The following XPR1 variants were observed in gnomAD, a reference collection of about 807,000 sequenced individuals.
The protein encoded by XPR1 is solute carrier family 53 member 1.
A neutral mutation model predicts 87.5 loss-of-function variants in XPR1; 28 were observed. The observed-to-expected ratio is 0.32, with a 90% confidence interval of 0.24 to 0.44. The LOEUF is 0.44. XPR1 is among the 20% of genes least tolerant of loss of function. XPR1 has a pLI of 1.00. For missense variants in XPR1, 559 were observed against 862.3 expected (o/e 0.65, Z 4.41); for synonymous variants, 300 against 306.1 (o/e 0.98, Z 0.21).
chr1:180,800,740 C>T (rs1649750704), intron 3 of XPR1, among the ~76,000 whole-genome samples: 1 of 152,210 alleles, frequency 6.6e-6, no homozygotes, highest in East Asian at 1.9e-4. Flanking sequence ...TGCACAGTCA[C>T]TCTAGTAAAT....
At chr1:180,701,504 T>A (rs1403678388) in intron 2 of XPR1, among the ~76,000 whole-genome samples, 530 of 121,362 alleles carry the variant, frequency 4.4e-3, no homozygotes, top group South Asian at 6.0e-3. Flanking sequence ...GCTCTGTTTA[T>A]ATGCTGGATT....
At chr1:180,798,029 A>G (rs1184690896) in intron 3 of XPR1, among the ~76,000 whole-genome samples, 3 of 152,008 alleles carry the variant, frequency 2.0e-5, no homozygotes, top group African/African-American at 7.3e-5. Context: ...GTTGACTTAA[A>G]TAAGAGATTT....
intron 2 of XPR1, among the ~76,000 whole-genome samples, chr1:180,731,087 A>T (rs1658541917): frequency 6.6e-6 from 1 of 152,338 alleles, no homozygotes. Flanking sequence ...TCAGATAATT[A>T]AAGTGGTTAT....
intron 2 of XPR1, among the ~76,000 whole-genome samples, chr1:180,745,397 C>T (rs562815080): frequency 1.3e-5 from 2 of 152,182 alleles, no homozygotes; most frequent in South Asian, 2.1e-4. Context: ...AGTCCGAGAA[C>T]GAGAGTGAGC....
At chr1:180,787,398 G>A (rs1024272477) in intron 2 of XPR1, among the ~76,000 whole-genome samples, 1 of 151,624 alleles carries the variant, frequency 6.6e-6, no homozygotes, top group African/African-American at 2.4e-5. Context: ...ACCTACCTCA[G>A]CCTCCAGAGT....
chr1:180,721,172 G>A (rs1330624596), intron 2 of XPR1, among the ~76,000 whole-genome samples: 2 of 149,700 alleles, frequency 1.3e-5, no homozygotes, highest in African/African-American at 2.5e-5. Context: ...GGTGAGCTGA[G>A]ATTACACCAT....
intron 2 of XPR1, among the ~76,000 whole-genome samples, chr1:180,745,817 C>T (rs1472023225): frequency 1.3e-5 from 2 of 152,190 alleles, no homozygotes; most frequent in Admixed American, 6.5e-5. Context: ...TAAGAGTCTT[C>T]ACATAGTTGC....
At chr1:180,840,901 C>G (rs1456796542) in intron 11 of XPR1, among the ~76,000 whole-genome samples, 1 of 151,810 alleles carries the variant, frequency 6.6e-6, no homozygotes, top group African/African-American at 2.4e-5. Context: ...ATACATTCAG[C>G]AAGTACTTAC....
intron 11 of XPR1, among the ~76,000 whole-genome samples, chr1:180,849,887 C>A (rs1485794194): frequency 6.6e-6 from 1 of 152,188 alleles, no homozygotes; most frequent in Non-Finnish European, 1.5e-5. Flanking sequence ...CAGGTACATG[C>A]GTGCGCACAC....
intron 2 of XPR1, among the ~76,000 whole-genome samples, chr1:180,752,826 T>C (rs1647585068): frequency 1.3e-5 from 2 of 152,222 alleles, no homozygotes; most frequent in South Asian, 4.1e-4. Flanking sequence ...TGGCCTATAC[T>C]CTTTGAAAGT....
intron 9 of XPR1, among the ~76,000 whole-genome samples, chr1:180,827,617 G>T (rs1364718654): frequency 6.6e-6 from 1 of 152,050 alleles, no homozygotes; most frequent in Non-Finnish European, 1.5e-5. Flanking sequence ...CTGAAATATA[G>T]AAGGAATAAT....
chr1:180,848,392 A>G (rs1185267637), intron 11 of XPR1, among the ~76,000 whole-genome samples: 1 of 152,150 alleles, frequency 6.6e-6, no homozygotes, highest in Non-Finnish European at 1.5e-5. Context: ...TAGCTTCTAC[A>G]TATGAGTGAG....
At chr1:180,707,295 A>G (rs1007251283) in intron 2 of XPR1, among the ~76,000 whole-genome samples, 2 of 152,230 alleles carry the variant, frequency 1.3e-5, no homozygotes, top group Non-Finnish European at 2.9e-5. Context: ...ACCAGGTATT[A>G]AGCCTAGTAC....
intron 2 of XPR1, among the ~76,000 whole-genome samples, chr1:180,754,725 G>C (rs1647663848): frequency 6.6e-6 from 1 of 152,088 alleles, no homozygotes; most frequent in African/African-American, 2.4e-5. Flanking sequence ...GCCTCCCAAA[G>C]TACTGGGATT....
chr1:180,653,028 T>C (rs1310849533), intron 1 of XPR1, among the ~76,000 whole-genome samples: 1 of 152,200 alleles, frequency 6.6e-6, no homozygotes, highest in Admixed American at 6.5e-5. Flanking sequence ...TCAAAAGGCC[T>C]CAGTTCTTCA....
chr1:180,709,629 C>G (rs1466715362), intron 2 of XPR1, among the ~76,000 whole-genome samples: 1 of 152,196 alleles, frequency 6.6e-6, no homozygotes, highest in South Asian at 2.1e-4. Flanking sequence ...ATTTTACGTT[C>G]ACTTAGAATG....
At chr1:180,714,349 TTCTCTCTCTCTCTCTCTCTCTCTCTCTC>T (rs71121047) in intron 2 of XPR1, among the ~76,000 whole-genome samples, 3 of 72,098 alleles carry the variant, frequency 4.2e-5, no homozygotes, top group Non-Finnish European at 8.3e-5. Context: ...TTTTTCCCTG[TTCTCTCTCTCTCTCTCTCTCTCTCTCTC>T]TCTCTCTCTC....
chr1:180,830,334 G>A (rs895975954), intron 9 of XPR1, among the ~76,000 whole-genome samples: 1 of 152,120 alleles, frequency 6.6e-6, no homozygotes, highest in Non-Finnish European at 1.5e-5. Flanking sequence ...AAGAGACTGA[G>A]CCATGGAATG....
intron 4 of XPR1, among the ~76,000 whole-genome samples, chr1:180,803,984 CT>C (rs920129762): frequency 0.011 from 1,542 of 145,410 alleles, 17 homozygotes; most frequent in African/African-American, 0.034. Context: ...TTTTTCCTTT[CT>C]TTTTTTTTTT....
Sources: gnomAD v4.1 joint callset for allele counts (sites outside exome capture counted in the v4.1 genomes callset) on GRCh38, gnomAD v4.1.1 for gene constraint, MANE v1.5 for transcripts, NCBI Gene and HGNC (gene_info 2026-07-23, HGNC 2026-07-21) for gene names.